Variants in ALKBH1 observed in about 807,000 individuals in gnomAD.
ALKBH1 encodes the protein alkB homolog 1, histone H2A dioxygenase.
ALKBH1 carries 31 observed loss-of-function variants against 36.6 expected under a neutral mutation model. The observed-to-expected ratio is 0.85, with a 90% CI of 0.64 to 1.14. The LOEUF (loss-of-function observed/expected upper bound fraction) is 1.14, where lower values mean the gene tolerates loss of function less well. Among genes scored for constraint, ALKBH1 ranks in the 50% most tolerant of loss-of-function variants. ALKBH1 has a pLI of 0.00. For synonymous variants in ALKBH1, 183 were observed against 186.6 expected, an observed-to-expected ratio of 0.98 and a Z score of 0.16; for missense variants, 490 against 497.3, an observed-to-expected ratio of 0.99 and a Z score of 0.14.
At chr14:77,689,119 G>A (rs973154948) in intron 3 of ALKBH1, among the ~76,000 whole-genome samples, 5 of 152,092 alleles carry the variant, frequency 3.3e-5, no homozygotes, top group African/African-American at 1.2e-4. Context: ...TTTCATGGCC[G>A]TGCCTCTGAC....
At chr14:77,696,650 G>T (rs1361606837) in intron 2 of ALKBH1, 1 of 152,454 alleles carries the variant, frequency 6.6e-6, no homozygotes, top group African/African-American at 2.4e-5. Flanking sequence ...GGAGCTACCT[G>T]TGTAGCTGTA....
chr14:77,680,171 C>G (rs1482962164), intron 3 of ALKBH1, among the ~76,000 whole-genome samples: 1 of 152,160 alleles, frequency 6.6e-6, no homozygotes, highest in Non-Finnish European at 1.5e-5. Flanking sequence ...AATTTATAAT[C>G]CTTTGTTCTA....
chr14:77,678,360 A>T (rs1294247962), intron 4 of ALKBH1, among the ~76,000 whole-genome samples: 1 of 152,184 alleles, frequency 6.6e-6, no homozygotes, highest in African/African-American at 2.4e-5. Flanking sequence ...AATATTTTTA[A>T]AACAAATCTG....
At chr14:77,679,769 TC>T in intron 4 of ALKBH1, 110 bp downstream of exon 4, 1 of 822,884 alleles carries the variant, frequency 1.2e-6, no homozygotes, top group Non-Finnish European at 2.0e-6. Flanking sequence ...AAAGGGATCC[TC>T]CCACAAATGT....
chr14:77,698,360 C>A (rs889373204), intron 2 of ALKBH1, among the ~76,000 whole-genome samples: 1 of 152,106 alleles, frequency 6.6e-6, no homozygotes, highest in Admixed American at 6.5e-5. Flanking sequence ...TCCTCCTCTA[C>A]GACTGGATGG....
intron 2 of ALKBH1, among the ~76,000 whole-genome samples, 157 bp from the exon 3 acceptor site, chr14:77,695,057 T>C (rs1277000948): frequency 6.6e-6 from 1 of 152,212 alleles, no homozygotes; most frequent in Non-Finnish European, 1.5e-5. Context: ...TTGATGAACA[T>C]TAGACATCTA....
At chr14:77,689,982 C>T (rs554245355) in intron 3 of ALKBH1, among the ~76,000 whole-genome samples, 1 of 152,072 alleles carries the variant, frequency 6.6e-6, no homozygotes, top group South Asian at 2.1e-4. Flanking sequence ...TAGCAAGACA[C>T]CATCTCTAAA....
intron 3 of ALKBH1, 43 bp from the exon 4 acceptor site, chr14:77,680,013 G>T: frequency 1.3e-6 from 2 of 1,493,570 alleles, no homozygotes; most frequent in South Asian, 1.1e-5. Context: ...CATGTAAAAT[G>T]GCAGCAATAG....
In ALKBH1 at chr14:77,675,691, A is replaced by G; in HGVS notation, c.705T>C (p.Ser235=). The stretch of plus-strand genomic sequence containing the variant: ...GCAAGGGTTTGGAGTGATCTAGCTC[A>G]GATCTGTCTACGTGGATTCCCAGTG... ...DSTLGIHVDR[S]ELDHSKPLLS... is the part of the protein sequence containing the mutation. The change falls in exon 5 of 6, where the codon TCT becomes TCC. Residue 235 remains serine (S), a synonymous_variant. Coordinates refer to ENST00000216489, the MANE Select transcript of ALKBH1 (RefSeq NM_006020.3). 2 of 1,614,190 alleles carry G rather than the reference A, an allele frequency of 1.2e-6. No homozygotes were observed. Among genetic ancestry groups the G allele is most frequent in the South Asian group, 2.2e-5 (2 of 91,082 alleles).
intron 1 of ALKBH1, among the ~76,000 whole-genome samples, chr14:77,705,847 G>A (rs2080386516): frequency 6.6e-6 from 1 of 152,146 alleles, no homozygotes. Context: ...CTGAGGTCAG[G>A]AGTTTGGGTC....
At chr14:77,691,112 C>G (rs2080294824) in intron 3 of ALKBH1, among the ~76,000 whole-genome samples, 1 of 152,210 alleles carries the variant, frequency 6.6e-6, no homozygotes, top group African/African-American at 2.4e-5. Context: ...GCACATAACT[C>G]TTGTACACTT....
chr14:77,682,728 C>T (rs944518595), intron 3 of ALKBH1, among the ~76,000 whole-genome samples: 4 of 152,082 alleles, frequency 2.6e-5, no homozygotes, highest in Non-Finnish European at 4.4e-5. Flanking sequence ...GACTGTGTCT[C>T]ATTTTGTCAC....
chr14:77,695,532 A>G (rs1157925716), intron 2 of ALKBH1, among the ~76,000 whole-genome samples: 1 of 152,158 alleles, frequency 6.6e-6, no homozygotes, highest in African/African-American at 2.4e-5. Flanking sequence ...CAGCCTCATT[A>G]TGTCCTCTCC....
At chr14:77,693,847 C>T (rs1055245722) in intron 3 of ALKBH1, among the ~76,000 whole-genome samples, 3 of 151,836 alleles carry the variant, frequency 2.0e-5, no homozygotes, top group Non-Finnish European at 2.9e-5. Flanking sequence ...ATTGGTGGGG[C>T]GTGGTGGTGG....
chr14:77,703,787 G>A lies in ALKBH1; in HGVS notation c.292+582C>T, dbSNP rs569160985. Among the ~76,000 whole-genome samples the A allele has an allele frequency of 2.0e-4, 30 of 151,782 alleles. No individual in the cohort carries two copies. In the South Asian group the frequency reaches 4.2e-3, roughly 21 times the overall value. On this transcript the variant is annotated intron_variant, in intron 2 of 5. Coordinates refer to ENST00000216489, the MANE Select transcript of ALKBH1 (RefSeq NM_006020.3). ...TAATTTTTGTATTTTTAGTAGAGAC[G>A]GGATTTCACCATGTTGGCCAGGCTC...
rs974545152 is a variant in ALKBH1 at position 77,700,060 on chromosome 14, T to A, written c.292+4309A>T. Among the ~76,000 whole-genome samples, 3 of 151,570 alleles carry A rather than the reference T, an allele frequency of 2.0e-5. No homozygotes were observed. In the East Asian group the frequency reaches 5.8e-4, roughly 29 times the overall value. ...ACAAGCAAGACTCTGTCTCAAAAAA[T>A]AAATAAATAAATAAAAATAAATAAA... On this transcript the variant is annotated intron_variant, in intron 2 of 5. Coordinates refer to ENST00000216489, the MANE Select transcript of ALKBH1 (RefSeq NM_006020.3).
At chr14:77,690,590 T>C (rs1274199614) in intron 3 of ALKBH1, among the ~76,000 whole-genome samples, 1 of 152,170 alleles carries the variant, frequency 6.6e-6, no homozygotes, top group Non-Finnish European at 1.5e-5. Flanking sequence ...ATGGAGATGG[T>C]GAGAAATGAC....
chr14:77,707,209 T>G (rs2080398456), intron 1 of ALKBH1, among the ~76,000 whole-genome samples: 2 of 152,210 alleles, frequency 1.3e-5, no homozygotes, highest in African/African-American at 2.4e-5. Flanking sequence ...GCCTCCGAAG[T>G]GCGGGATTAC....
chr14:77,675,152 G>A (rs1020982216), intron 5 of ALKBH1, among the ~76,000 whole-genome samples: 5 of 152,070 alleles, frequency 3.3e-5, no homozygotes, highest in Admixed American at 6.6e-5. Flanking sequence ...GTAGGTTACG[G>A]CCAGGTGCAG....
Sources: gnomAD v4.1 joint callset for allele counts (sites outside exome capture counted in the v4.1 genomes callset) on GRCh38, gnomAD v4.1.1 for gene constraint, MANE v1.5 for transcripts, NCBI Gene and HGNC (gene_info 2026-07-23, HGNC 2026-07-21) for gene names.